Variants in LPO observed in about 807,000 individuals in gnomAD.
LPO encodes salivary peroxidase.
LPO carries 70 observed loss-of-function variants against 68.4 expected under a neutral mutation model. The observed-to-expected ratio is 1.02, with a 90% CI of 0.84 to 1.25. The LOEUF is 1.25. LPO is among the 50% of genes most tolerant of loss of function. The probability of loss-of-function intolerance (pLI) is 0.00; values close to 1 mark genes in which losing one functional copy is unlikely to be tolerated. For synonymous variants in LPO, 360 were observed against 357.6 expected, an observed-to-expected ratio of 1.01 and a Z score of -0.08; for missense variants, 873 against 908.4, an observed-to-expected ratio of 0.96 and a Z score of 0.50.
At chr17:58,260,320 A>T (rs1297838501) in intron 9 of LPO, among the ~76,000 whole-genome samples, 1 of 152,194 alleles carries the variant, frequency 6.6e-6, no homozygotes, top group East Asian at 1.9e-4. Context: ...ATGCCAATAA[A>T]GACAGTTGTG....
In LPO at chr17:58,244,078, C is replaced by T; in HGVS notation, c.161C>T (p.Thr54Ile). The T allele has an allele frequency of 6.4e-7, 1 of 1,574,092 alleles. No homozygotes were observed. Among genetic ancestry groups the T allele is most frequent in the Non-Finnish European group, 8.7e-7 (1 of 1,150,632 alleles). ...AACAAGGCCTTCCTGGACTCCCGAA[C>T]CAGGTACGTGAGACACACACACACA... ...QVNKAFLDSR[T>I]RLKTAMSSET... is the part of the protein sequence containing the mutation. The change falls in exon 3 of 13, where the codon ACC becomes ATC. Residue 54 changes from threonine (T) to isoleucine (I), a missense_variant. Thr to Ile is a moderately conservative substitution (Grantham distance 89). Coordinates refer to ENST00000262290, the MANE Select transcript of LPO (RefSeq NM_006151.3).
rs759645641 is a variant in LPO at position 58,244,125 on chromosome 17, ACACACACT to A, written c.164+45_164+52del. 5.3e-6 allele frequency: 7 copies of A among 1,316,586 alleles called. No individual in the cohort carries two copies. The Admixed American group carries it at 5.3e-5, about 10-fold the overall frequency. The allele number at this position is 1,316,586 out of a possible 1,614,324, so 81.6% of individuals were successfully genotyped here. On this transcript the variant is annotated intron_variant, in intron 3 of 12. Transcript: ENST00000262290. ...CACACACACACACACACACACACAC[ACACACACT>A]TCCCTTCACAGGCTTCCTGTTCATG...
chr17:58,256,487 A>G (rs149388306), intron 9 of LPO, among the ~76,000 whole-genome samples: 1 of 151,540 alleles, frequency 6.6e-6, no homozygotes, highest in African/African-American at 2.4e-5. Flanking sequence ...ATGGCTTGAT[A>G]AGGGCATACA....
intron 9 of LPO, among the ~76,000 whole-genome samples, chr17:58,261,543 TAA>T (rs796408395): frequency 2.8e-5 from 4 of 145,420 alleles, no homozygotes; most frequent in Admixed American, 2.1e-4. Context: ...TTGGGTCACT[TAA>T]AAAAAAAAAG....
At chr17:58,255,533 G>A (rs1475024233) in intron 9 of LPO, among the ~76,000 whole-genome samples, 2 of 152,188 alleles carry the variant, frequency 1.3e-5, no homozygotes, top group African/African-American at 4.8e-5. Flanking sequence ...CAGGAGAGAA[G>A]CAGCAGAGAG....
At chr17:58,256,826 CAAA>C (rs969464308) in intron 9 of LPO, among the ~76,000 whole-genome samples, 5 of 74,552 alleles carry the variant, frequency 6.7e-5, no homozygotes, top group Non-Finnish European at 5.9e-5. Flanking sequence ...GACTCCCTTT[CAAA>C]AAAAAAAAAA....
chr17:58,257,526 C>A (rs1041299804), intron 9 of LPO, among the ~76,000 whole-genome samples: 57 of 152,246 alleles, frequency 3.7e-4, no homozygotes, highest in Non-Finnish European at 7.5e-4. Flanking sequence ...ATCACATTTT[C>A]TTTATCCATT....
At chr17:58,256,804 G>A (rs1319873360) in intron 9 of LPO, among the ~76,000 whole-genome samples, 1 of 146,172 alleles carries the variant, frequency 6.8e-6, no homozygotes, top group African/African-American at 2.6e-5. Context: ...TCCAGCCTGG[G>A]CAACAGAGTG....
intron 9 of LPO, among the ~76,000 whole-genome samples, chr17:58,256,851 G>A (rs190806833): frequency 5.2e-4 from 78 of 151,216 alleles, no homozygotes; most frequent in Middle Eastern, 3.4e-3. Flanking sequence ...AAAGAATGAG[G>A]TATCCATCCT....
rs1970042131 is a variant in LPO at position 58,254,890 on chromosome 17, A to G, written c.1185A>G (p.Arg395=). 2 of 1,614,148 alleles carry G rather than the reference A, an allele frequency of 1.2e-6. No individual in the cohort carries two copies. Among genetic ancestry groups the G allele is most frequent in the East Asian group, 4.5e-5 (2 of 44,886 alleles). The change falls in exon 9 of 13, where the codon AGA becomes AGG. Residue 395 remains arginine (R), a synonymous_variant. Transcript: ENST00000262290. ...LFLREHNRLA[R]ELKRLNPQWD... ...TCCGCGAGCATAACCGGCTGGCCAG[A>G]GAACTAAAGAGACTCAACCCTCAGT...
intron 3 of LPO, among the ~76,000 whole-genome samples, chr17:58,246,751 C>T (rs8178311): frequency 0.028 from 4,205 of 152,266 alleles, 195 homozygotes; most frequent in African/African-American, 0.096. Context: ...TGCTCACACA[C>T]GTGAGTGTGT....
At chr17:58,256,990 C>CTTTTTTT (rs1040765289) in intron 9 of LPO, among the ~76,000 whole-genome samples, 62 of 75,052 alleles carry the variant, frequency 8.3e-4, no homozygotes, top group Non-Finnish European at 9.7e-4. Flanking sequence ...AGGTCTTACT[C>CTTTTTTT]TTTTTTTTTT....
At chr17:58,266,666 A>G (rs1970273973) in intron 11 of LPO, among the ~76,000 whole-genome samples, 1 of 151,818 alleles carries the variant, frequency 6.6e-6, no homozygotes, top group Non-Finnish European at 1.5e-5. Flanking sequence ...TATGTTGCCC[A>G]GGCTGGTCTC....
At chr17:58,266,119 A>G in intron 10 of LPO, 34 bp from the exon 11 acceptor site, 1 of 1,602,518 alleles carries the variant, frequency 6.2e-7, no homozygotes, top group Non-Finnish European at 8.5e-7. Context: ...CTCTTCCCCC[A>G]ACCTAAGCAT....
chr17:58,266,417 A>G, intron 11 of LPO, 91 bp downstream of exon 11: 1 of 1,365,144 alleles, frequency 7.3e-7, no homozygotes, highest in Non-Finnish European at 1.0e-6. Context: ...TGAGGATCTG[A>G]TCATCTGATC....
At chr17:58,263,595 C>T (rs572571377) in intron 9 of LPO, among the ~76,000 whole-genome samples, 1 of 151,990 alleles carries the variant, frequency 6.6e-6, no homozygotes, top group Non-Finnish European at 1.5e-5. Context: ...AAAAACTAGC[C>T]GGGCTTGGTG....
At chr17:58,242,621 A>G (rs1277092954) in intron 1 of LPO, among the ~76,000 whole-genome samples, 1 of 152,250 alleles carries the variant, frequency 6.6e-6, no homozygotes, top group Non-Finnish European at 1.5e-5. Flanking sequence ...AGAATTGAAC[A>G]TTCTGGATCA....
intron 4 of LPO, 114 bp from the exon 5 acceptor site, chr17:58,248,946 A>G (rs1969902485): frequency 1.3e-6 from 1 of 797,248 alleles, no homozygotes; most frequent in Middle Eastern, 2.3e-4. Flanking sequence ...GCTTACTTAG[A>G]ATGGAATGCA....
chr17:58,262,207 TTC>T (rs1238792498), intron 9 of LPO, among the ~76,000 whole-genome samples: 1 of 152,204 alleles, frequency 6.6e-6, no homozygotes, highest in Non-Finnish European at 1.5e-5. Context: ...GTGCAGCAAA[TTC>T]TCTGAGTCTT....
Sources: gnomAD v4.1 joint callset for allele counts (sites outside exome capture counted in the v4.1 genomes callset) on GRCh38, gnomAD v4.1.1 for gene constraint, MANE v1.5 for transcripts, NCBI Gene and HGNC (gene_info 2026-07-23, HGNC 2026-07-21) for gene names.